CFAP97: variants seen among roughly 807,000 people sequenced by gnomAD.
The protein encoded by CFAP97 is cilia- and flagella-associated protein 97.
In CFAP97, 36 loss-of-function variants were observed where a neutral mutation model predicts 43.1. That is an observed-to-expected ratio of 0.84 (90% CI 0.64 to 1.10). CFAP97 has a LOEUF of 1.10. Ranked by LOEUF, CFAP97 falls within the 50% of genes least tolerant of loss-of-function variation. The pLI, the probability that CFAP97 is intolerant of heterozygous loss-of-function variation, is 0.00. For missense variants in CFAP97, 657 were observed against 620.3 expected, an observed-to-expected ratio of 1.06 and a Z score of -0.63; for synonymous variants, 228 against 225.7, an observed-to-expected ratio of 1.01 and a Z score of -0.09.
intron 1 of CFAP97, among the ~76,000 whole-genome samples, chr4:185,200,877 G>A (rs1736788484): frequency 6.6e-6 from 1 of 152,198 alleles, no homozygotes; most frequent in African/African-American, 2.4e-5. Context: ...TGCTTCTTAT[G>A]GATGAGCAAA....
At chr4:185,183,053 T>C (rs1735864415) in intron 2 of CFAP97, among the ~76,000 whole-genome samples, 2 of 151,948 alleles carry the variant, frequency 1.3e-5, no homozygotes, top group South Asian at 2.1e-4. Context: ...TAAGCTGAGA[T>C]TGCGCCACTG....
chr4:185,176,062 G>C lies in CFAP97; in HGVS notation c.1055-11C>G, dbSNP rs751174957. The C allele has an allele frequency of 8.6e-7, 1 of 1,161,074 alleles. No homozygotes were observed. The highest frequency in any genetic ancestry group is 1.1e-6 in the Non-Finnish European group (1 of 902,398). 71.9% of individuals were successfully genotyped at this position (1,161,074 alleles called of 1,614,324 possible). On this transcript the variant is annotated splice_polypyrimidine_tract_variant and intron_variant, in intron 2 of 4. Coordinates refer to ENST00000458385, the MANE Select transcript of CFAP97 (RefSeq NM_020827.3). The stretch of plus-strand genomic sequence containing the variant: ...CTAATTGCAGAAAAGCTACAGAAAA[G>C]AACAAAAAAAAAAGAGAAAATGGCC...
At chr4:185,201,928 G>A (rs1736850169) in intron 1 of CFAP97, among the ~76,000 whole-genome samples, 2 of 152,248 alleles carry the variant, frequency 1.3e-5, no homozygotes, top group East Asian at 1.9e-4. Flanking sequence ...TTCTAGGAAA[G>A]CCCTGTGTCA....
At chr4:185,181,412 G>A (rs957460626) in intron 2 of CFAP97, among the ~76,000 whole-genome samples, 4 of 130,954 alleles carry the variant, frequency 3.1e-5, no homozygotes, top group Non-Finnish European at 6.2e-5. Flanking sequence ...TGCAATCTCC[G>A]CTTCCCAGGT....
intron 3 of CFAP97, among the ~76,000 whole-genome samples, 165 bp from the exon 4 acceptor site, chr4:185,164,344 C>G (rs1396617238): frequency 1.3e-5 from 2 of 152,052 alleles, no homozygotes; most frequent in Non-Finnish European, 2.9e-5. Context: ...CTTAAAGGAT[C>G]CTCCCATCTC....
chr4:185,173,223 C>A (rs1331341367), intron 3 of CFAP97, among the ~76,000 whole-genome samples: 2 of 151,926 alleles, frequency 1.3e-5, no homozygotes, highest in Non-Finnish European at 1.5e-5. Context: ...ATTAGCCAGG[C>A]ATGGTAGCAG....
chr4:185,161,374 G>T lies in CFAP97; in HGVS notation c.*1424C>A, dbSNP rs904323400. 6.6e-6 allele frequency: 1 copy of T among 152,114 alleles called. No individual in the cohort carries two copies. The highest frequency in any genetic ancestry group is 1.5e-5 in the Non-Finnish European group (1 of 68,024). 9.4% of individuals were successfully genotyped at this position (152,114 alleles called of 1,614,324 possible). ...AATGCAGTAACACCTTACTGTTAAA[G>T]GTGCTAAGGAAAAAAGCATTCAGCA... On this transcript the variant is annotated 3_prime_UTR_variant, in exon 5 of 5. Transcript: ENST00000458385.
rs1168716662 is a variant in CFAP97 at position 185,160,187 on chromosome 4, G to C, written c.*2611C>G. 1 of 152,154 alleles carries C rather than the reference G, an allele frequency of 6.6e-6. No individual in the cohort carries two copies. The highest frequency in any genetic ancestry group is 1.5e-5 in the Non-Finnish European group (1 of 68,016). The allele number at this position is 152,154 out of a possible 1,614,324, so 9.4% of individuals were successfully genotyped here. A position where few individuals can be genotyped will look rare whatever the true frequency, so the allele number is the denominator to read the frequency against. On this transcript the variant is annotated 3_prime_UTR_variant, in exon 5 of 5. Coordinates refer to ENST00000458385, the MANE Select transcript of CFAP97 (RefSeq NM_020827.3). ...GAAAAAGAGAGCAGAGGAAGTATAAGAGCTACCCCTTAAGAAATAACTTTA... is the reference window on the plus strand; with the variant it reads ...GAAAAAGAGAGCAGAGGAAGTATAACAGCTACCCCTTAAGAAATAACTTTA...
chr4:185,202,566 A>C (rs1033555367), intron 1 of CFAP97, among the ~76,000 whole-genome samples: 8 of 152,030 alleles, frequency 5.3e-5, no homozygotes, highest in Non-Finnish European at 8.8e-5. Context: ...AACAAACAAA[A>C]AAAATCACCG....
At chr4:185,181,441 T>A in intron 2 of CFAP97, among the ~76,000 whole-genome samples, 1 of 146,764 alleles carries the variant, frequency 6.8e-6, no homozygotes, top group African/African-American at 2.5e-5. Flanking sequence ...TTCTCCTGCC[T>A]CAGCCTCCCG....
At position 185,164,058 on chromosome 4, in the gene CFAP97, C is replaced by G. The variant is rs546564830; in HGVS notation, c.1442G>C (p.Arg481Thr). The G allele has an allele frequency of 2.5e-6, 4 of 1,613,954 alleles. No homozygotes were observed. The highest frequency in any genetic ancestry group is 2.7e-5 in the African/African-American group (2 of 75,046). Reference protein sequence around the residue: ...LNSSPLSRRARSTLGQYSPLR... With the variant: ...LNSSPLSRRATSTLGQYSPLR... ...TGGGCTATATTGGCCAAGAGTGGAT[C>G]TGGCCCGTCTTGACAATGGTGATGA... Residue 481 changes from arginine to threonine, a missense_variant, in exon 4 of 5, where the codon AGA (arginine) becomes ACA (threonine). Physicochemically the swap from Arg to Thr is moderately conservative, Grantham distance 71. Transcript: ENST00000458385.
intron 3 of CFAP97, among the ~76,000 whole-genome samples, chr4:185,167,871 C>T (rs1004960191): frequency 2.0e-5 from 3 of 151,594 alleles, no homozygotes; most frequent in Admixed American, 6.6e-5. Flanking sequence ...TGGTGGCAGA[C>T]GTCTGCAGTT....
At chr4:185,181,346 A>C in intron 2 of CFAP97, among the ~76,000 whole-genome samples, 1 of 112,710 alleles carries the variant, frequency 8.9e-6, no homozygotes, top group Non-Finnish European at 1.8e-5. Flanking sequence ...TTTTTTTGAG[A>C]CGGAGTTTTG....
intron 3 of CFAP97, among the ~76,000 whole-genome samples, chr4:185,171,201 T>C (rs577720055): frequency 6.6e-6 from 1 of 152,022 alleles, no homozygotes; most frequent in Non-Finnish European, 1.5e-5. Flanking sequence ...TTTCTCTGAA[T>C]TTAAAATTTG....
At chr4:185,167,860 G>T (rs191089109) in intron 3 of CFAP97, among the ~76,000 whole-genome samples, 1 of 151,642 alleles carries the variant, frequency 6.6e-6, no homozygotes, top group Non-Finnish European at 1.5e-5. Context: ...TTAGCCCAGT[G>T]TGGTGGCAGA....
upstream of CFAP97, chr4:185,209,818 G>A: frequency 1.0e-6 from 1 of 983,786 alleles, no homozygotes; most frequent in Non-Finnish European, 1.2e-6. The surrounding 1 kb of genome is among the most constrained non-coding windows in gnomAD (Gnocchi z 5.2). Context: ...TAGCGGCCCA[G>A]GAAGCAGCAT....
At chr4:185,210,241 C>G, upstream of CFAP97, 1 of 984,964 alleles carries the variant, frequency 1.0e-6, no homozygotes, top group Non-Finnish European at 1.2e-6. This position sits in a 1 kb window ranked among gnomAD's most constrained non-coding sequence, Gnocchi z 4.4. Context: ...CTCAGCCGCC[C>G]GCCGCCCGCC....
chr4:185,209,774 CGGGGGACCGGG>C, upstream of CFAP97: 7 of 983,942 alleles, frequency 7.1e-6, no homozygotes, highest in Non-Finnish European at 8.4e-6. The surrounding 1 kb of genome is among the most constrained non-coding windows in gnomAD (Gnocchi z 5.2). Flanking sequence ...GGAGCGCCGG[CGGGGGACCGGG>C]GGGCAGGAGA....
intron 3 of CFAP97, chr4:185,169,462 A>T: frequency 2.6e-6 from 1 of 386,476 alleles, no homozygotes; most frequent in Non-Finnish European, 3.5e-6. Context: ...AAGTTTCCTG[A>T]GGCTTCTCCA....
Sources: gnomAD v4.1 joint callset for allele counts (sites outside exome capture counted in the v4.1 genomes callset) on GRCh38, gnomAD v4.1.1 for gene constraint, Gnocchi (gnomAD v3.1) non-coding constraint, MANE v1.5 for transcripts, NCBI Gene and HGNC (gene_info 2026-07-23, HGNC 2026-07-21) for gene names.